ZNF616: variants seen among roughly 807,000 people sequenced by gnomAD.
ZNF616 encodes the protein zinc finger protein 616.
ZNF616 carries 5 observed loss-of-function variants against 7.6 expected under a neutral mutation model. The ratio of observed to expected loss-of-function variants is 0.66; its 90% CI spans 0.34 to 1.38. ZNF616 has a LOEUF of 1.38. Among genes scored for constraint, ZNF616 ranks in the 40% most tolerant of loss-of-function variants. The pLI is 0.04. For missense variants in ZNF616, 913 were observed against 948.3 expected (o/e 0.96, Z 0.49); for synonymous variants, 319 against 317.2 (o/e 1.01, Z -0.06).
intron 3 of ZNF616, among the ~76,000 whole-genome samples, chr19:52,122,620 A>G (rs570932170): frequency 6.6e-6 from 1 of 152,174 alleles, no homozygotes; most frequent in East Asian, 1.9e-4. Flanking sequence ...GAAGAACTGT[A>G]ATCAATTCCA....
intron 3 of ZNF616, among the ~76,000 whole-genome samples, chr19:52,120,013 C>A (rs1219630061): frequency 1.3e-5 from 2 of 152,074 alleles, no homozygotes; most frequent in African/African-American, 4.8e-5. Flanking sequence ...CAACATAAAA[C>A]CTTATTGATA....
chr19:52,127,079 CAG>C (rs1427942647), intron 2 of ZNF616, among the ~76,000 whole-genome samples: 6 of 150,750 alleles, frequency 4.0e-5, no homozygotes, highest in African/African-American at 1.2e-4. Context: ...TTTTAGAAGA[CAG>C]AGTCTCACTG....
intron 3 of ZNF616, 88 bp downstream of exon 3, chr19:52,123,835 T>C (rs2088882597): frequency 1.3e-6 from 2 of 1,548,168 alleles, no homozygotes; most frequent in African/African-American, 1.4e-5. Flanking sequence ...CAGTCTCAAA[T>C]AACGGAGGGG....
Position 52,116,573 on chromosome 19 carries a change from A to T in ZNF616, c.591T>A (p.Ser197=). 6.2e-7 allele frequency: 1 copy of T among 1,614,050 alleles called. No homozygotes were observed. Among genetic ancestry groups the T allele is most frequent in the Non-Finnish European group, 8.5e-7 (1 of 1,179,994 alleles). The change falls in exon 4 of 4, where the codon TCT becomes TCA. Residue 197 remains serine, a synonymous_variant. Coordinates refer to ENST00000600228, the MANE Select transcript of ZNF616 (RefSeq NM_178523.5). ...CNECGKAFKA[S]SSLINHQRIH... ...TCCTCTGATGATTAATAAGGCTGGA[A>T]GACGCTTTAAAGGCTTTGCCACATT... is the stretch of plus-strand genomic sequence containing the variant.
chr19:52,118,520 CACAG>C (rs763849822), intron 3 of ZNF616, among the ~76,000 whole-genome samples: 9 of 152,246 alleles, frequency 5.9e-5, no homozygotes, highest in Middle Eastern at 3.4e-3. Context: ...CATGTCAGGA[CACAG>C]AAAGAGAAAG....
Position 52,115,292 on chromosome 19 carries a change from C to T in ZNF616, c.1872G>A (p.Gln624=), listed in dbSNP as rs746496749. The T allele has an allele frequency of 2.0e-5, 33 of 1,613,924 alleles. No individual in the cohort carries two copies. The highest frequency in any genetic ancestry group is 2.7e-5 in the Non-Finnish European group (32 of 1,180,012). The change falls in exon 4 of 4, where the codon CAG becomes CAA. Residue 624 remains glutamine, a synonymous_variant. Transcript: ENST00000600228. ...FNQGSTLNRH[Q]RIHTGEKPYK... ...AAGGTTTCTCTCCGGTATGAATTCT[C>T]TGATGTCTATTGAGTGTGGAGCCCT...
At chr19:52,118,622 G>A (rs531595330) in intron 3 of ZNF616, among the ~76,000 whole-genome samples, 154 of 152,324 alleles carry the variant, frequency 1.0e-3, no homozygotes, top group South Asian at 5.4e-3. Context: ...ACCCAGATCT[G>A]TGAAAAGGGA....
In ZNF616 at chr19:52,116,220, T is replaced by C. The variant is rs2088821446; in HGVS notation, c.944A>G (p.His315Arg). ...SFSQRVHLRLHQTVHTGERPF... is the reference protein window; with the variant it reads ...SFSQRVHLRLRQTVHTGERPF... ...TCTCTCTCCAGTATGAACTGTCTGATGAAGTCTAAGATGGACACGCTGACT... is the reference window on the plus strand; with the variant it reads ...TCTCTCTCCAGTATGAACTGTCTGACGAAGTCTAAGATGGACACGCTGACT... The change falls in exon 4 of 4, where the codon CAT (histidine) becomes CGT (arginine). Residue 315 changes from histidine to arginine, a missense_variant. His to Arg is a conservative substitution (Grantham distance 29). Transcript: ENST00000600228. 2.5e-6 allele frequency: 4 copies of C among 1,614,168 alleles called. No individual in the cohort carries two copies. Among genetic ancestry groups the C allele is most frequent in the Non-Finnish European group, 3.4e-6 (4 of 1,180,030 alleles).
At chr19:52,134,047 G>A (rs944978928) in intron 1 of ZNF616, among the ~76,000 whole-genome samples, 3 of 152,024 alleles carry the variant, frequency 2.0e-5, no homozygotes, top group African/African-American at 7.2e-5. Context: ...CTGGCCAAGC[G>A]CATTATTTTG....
rs995295199 is a variant in ZNF616, at chr19:52,139,315, G to A, written c.-77+417C>T. Among the ~76,000 whole-genome samples the A allele has an allele frequency of 2.6e-5, 4 of 152,184 alleles. No homozygotes were observed. The highest frequency in any genetic ancestry group is 5.9e-5 in the Non-Finnish European group (4 of 68,034). ...GGTGACCTCCTGCAACGCGGAGTCA[G>A]GAAAAGCAGTGGCTGTGAAGGGGCA... On this transcript the variant is annotated intron_variant, in intron 1 of 3. Coordinates refer to ENST00000600228, the MANE Select transcript of ZNF616 (RefSeq NM_178523.5). The surrounding 1 kb of genome is among the most constrained non-coding windows in gnomAD (Gnocchi z 4.1).
intron 1 of ZNF616, among the ~76,000 whole-genome samples, chr19:52,137,053 GTATA>G (rs35226169): frequency 0.017 from 2,402 of 143,526 alleles, 36 homozygotes; most frequent in East Asian, 0.078. Context: ...TTATGTATGT[GTATA>G]TATATATATA....
At chr19:52,132,405 A>G (rs61335995) in intron 1 of ZNF616, among the ~76,000 whole-genome samples, 1,567 of 152,144 alleles carry the variant, frequency 0.01, 13 homozygotes, top group African/African-American at 0.029. Context: ...CGTGTAGGTG[A>G]GTAGGTGGGT....
Position 52,116,297 on chromosome 19 carries a change from T to C in ZNF616, c.867A>G (p.Arg289=). 3 of 1,614,200 alleles carry C rather than the reference T, an allele frequency of 1.9e-6. No individual in the cohort carries two copies. Among genetic ancestry groups the C allele is most frequent in the Non-Finnish European group, 2.5e-6 (3 of 1,180,034 alleles). Residue 289 remains arginine, a synonymous_variant, in exon 4 of 4, where the codon AGA becomes AGG. Coordinates refer to ENST00000600228, the MANE Select transcript of ZNF616 (RefSeq NM_178523.5). ...TGTAAGGTTTTTCACCGGTATGAAT[T>C]CTCTGATGAACTGCAAGGTGGGAAC... ...SKSSHLAVHQ[R]IHTGEKPYKC...
intron 1 of ZNF616, among the ~76,000 whole-genome samples, chr19:52,134,707 T>C (rs2088992796): frequency 6.6e-6 from 1 of 152,172 alleles, no homozygotes; most frequent in African/African-American, 2.4e-5. Context: ...GAGTTCTGTG[T>C]TAAGTGTGAG....
At position 52,124,047 on chromosome 19, in the gene ZNF616, C is replaced by A. The variant is rs1236811603; in HGVS notation, c.15G>T (p.Gly5=). ...TGGCTACATCCTTGAATGTCAAATGCCCCTGAAATGAAAAACACATTTCAA... is the reference window on the plus strand; with the variant it reads ...TGGCTACATCCTTGAATGTCAAATGACCCTGAAATGAAAAACACATTTCAA... MATQ[G]HLTFKDVAIE... The change falls in exon 3 of 4, where the codon GGG becomes GGT. Residue 5 remains glycine, a splice_region_variant and synonymous_variant. Coordinates refer to ENST00000600228, the MANE Select transcript of ZNF616 (RefSeq NM_178523.5). The A allele has an allele frequency of 6.3e-7, 1 of 1,593,998 alleles. No individual in the cohort carries two copies. The highest frequency in any genetic ancestry group is 2.2e-5 in the East Asian group (1 of 44,772).
At chr19:52,123,821 G>C (rs1250892536) in intron 3 of ZNF616, 102 bp downstream of exon 3, 10 of 1,425,786 alleles carry the variant, frequency 7.0e-6, no homozygotes, top group East Asian at 2.3e-5. Context: ...AACCAATAAG[G>C]CTTCAGTCTC....
Position 52,115,859 on chromosome 19 carries a change from T to C in ZNF616, c.1305A>G (p.Lys435=). ...AVHQRIHTGQ[K]TYKCNKCGKV... is the part of the protein sequence containing the mutation. ...TGCCACATTTATTGCATTTGTAAGT[T>C]TTCTGTCCAGTATGAATTCTCTGAT... The change falls in exon 4 of 4, where the codon AAA becomes AAG. Residue 435 remains lysine, a synonymous_variant. Coordinates refer to ENST00000600228, the MANE Select transcript of ZNF616 (RefSeq NM_178523.5). 1 of 1,614,030 alleles carries C rather than the reference T, an allele frequency of 6.2e-7. No homozygotes were observed. The highest frequency in any genetic ancestry group is 8.5e-7 in the Non-Finnish European group (1 of 1,179,984).
rs555880089 is a variant in ZNF616 at position 52,139,755 on chromosome 19, G to A, written c.-100C>T. 2.0e-5 allele frequency: 3 copies of A among 152,460 alleles called. No individual in the cohort carries two copies. The highest frequency in any genetic ancestry group is 4.4e-5 in the Non-Finnish European group (3 of 68,140). The allele number at this position is 152,460 out of a possible 1,614,324, so 9.4% of individuals were successfully genotyped here. A position where few individuals can be genotyped will look rare whatever the true frequency, so the allele number is the denominator to read the frequency against. On this transcript the variant is annotated 5_prime_UTR_variant, in exon 1 of 4. Coordinates refer to ENST00000600228, the MANE Select transcript of ZNF616 (RefSeq NM_178523.5). This position sits in a 1 kb window ranked among gnomAD's most constrained non-coding sequence, Gnocchi z 4.1. ...ACGTGGGGAGAAGTGCCTGTTGCAG[G>A]GGCGAAGGGGCTATGGGTATTTTAA... is the stretch of plus-strand genomic sequence containing the variant.
chr19:52,124,007 C>T lies in ZNF616; in HGVS notation c.55G>A (p.Glu19Lys), dbSNP rs2122154726. The change falls in exon 3 of 4, where the codon GAG (glutamate) becomes AAG (lysine). Residue 19 changes from glutamate (E) to lysine (K), a missense_variant. Coordinates refer to ENST00000600228, the MANE Select transcript of ZNF616 (RefSeq NM_178523.5). ...ACAGGCTCCAGGCATTTCCACTCCT[C>T]CTGAGAGAATTCTATGGCTACATCC... is the stretch of plus-strand genomic sequence containing the variant. Reference protein sequence around the residue: ...FKDVAIEFSQEEWKCLEPVQK... With the variant: ...FKDVAIEFSQKEWKCLEPVQK... 1.2e-6 allele frequency: 2 copies of T among 1,613,034 alleles called. No individual in the cohort carries two copies. The highest frequency in any genetic ancestry group is 3.3e-4 in the Middle Eastern group (2 of 6,058).
Sources: allele counts gnomAD v4.1 joint callset (sites outside exome capture counted in the v4.1 genomes callset), GRCh38; gene constraint gnomAD v4.1.1; non-coding constraint Gnocchi (gnomAD v3.1); transcripts MANE v1.5; gene names NCBI Gene and HGNC (gene_info 2026-07-23, HGNC 2026-07-21).